The following DCAF8L2 variants were observed in gnomAD, a reference collection of about 807,000 sequenced individuals.
DCAF8L2 encodes the protein DDB1- and CUL4-associated factor 8-like protein 2.
For synonymous variants in DCAF8L2, 200 were observed against 190.9 expected (o/e 1.05, Z -0.39); for missense variants, 430 against 490.7 (o/e 0.88, Z 1.17).
chrX:27,669,639 A>G (rs1260571451), intron 2 of DCAF8L2, among the ~76,000 whole-genome samples: 1 of 105,966 alleles, frequency 9.4e-6, no homozygotes. Flanking sequence ...CCGCTCCATG[A>G]CAGACCCTGG....
At chrX:27,640,679 A>T (rs980509142) in intron 2 of DCAF8L2, among the ~76,000 whole-genome samples, 1 of 112,086 alleles carries the variant, frequency 8.9e-6, no homozygotes, top group African/African-American at 3.2e-5. Flanking sequence ...AATTGGTTCT[A>T]TCATTTCACA....
At chrX:27,616,472 A>G (rs1927481830) in intron 1 of DCAF8L2, among the ~76,000 whole-genome samples, 1 of 111,759 alleles carries the variant, frequency 8.9e-6, no homozygotes, top group African/African-American at 3.2e-5. Flanking sequence ...AGCAGATTTT[A>G]AAAAATTATT....
At chrX:27,728,237 G>A (rs1309064286) in intron 4 of DCAF8L2, among the ~76,000 whole-genome samples, 1 of 111,214 alleles carries the variant, frequency 9.0e-6, no homozygotes, top group Non-Finnish European at 1.9e-5. Flanking sequence ...AATGTTCCTG[G>A]GGCACATTTA....
At chrX:27,610,707 G>T (rs987449027) in intron 1 of DCAF8L2, among the ~76,000 whole-genome samples, 12 of 111,996 alleles carry the variant, frequency 1.1e-4, no homozygotes, top group African/African-American at 3.9e-4. Flanking sequence ...ATGCTAGAAA[G>T]TAAGGCTACT....
chrX:27,726,538 A>G, intron 4 of DCAF8L2, among the ~76,000 whole-genome samples: 1 of 111,242 alleles, frequency 9.0e-6, no homozygotes, highest in Non-Finnish European at 1.9e-5. Flanking sequence ...CACTCAGACT[A>G]AGAAATAATA....
At chrX:27,571,918 T>C in the DCAF8L2 span, among the ~76,000 whole-genome samples, 2 of 111,417 alleles carry the variant, frequency 1.8e-5, no homozygotes, top group African/African-American at 6.5e-5. Flanking sequence ...CTAAATAAGA[T>C]GGATTGGTCA....
chrX:27,657,025 A>G (rs1006267707), intron 2 of DCAF8L2, among the ~76,000 whole-genome samples: 3 of 110,554 alleles, frequency 2.7e-5, no homozygotes, highest in Non-Finnish European at 5.7e-5. Flanking sequence ...CATCTAATCA[A>G]CTACTTGCCT....
intron 4 of DCAF8L2, among the ~76,000 whole-genome samples, chrX:27,735,911 T>C (rs1480942554): frequency 9.0e-6 from 1 of 111,164 alleles, no homozygotes; most frequent in African/African-American, 3.3e-5. Flanking sequence ...TATTAAGACA[T>C]TAAAAATAAA....
At chrX:27,479,374 T>C in the DCAF8L2 span, among the ~76,000 whole-genome samples, 1 of 111,327 alleles carries the variant, frequency 9.0e-6, no homozygotes, top group Admixed American at 9.6e-5. Flanking sequence ...CAGATAGATA[T>C]AAGCTGCACC....
chrX:27,509,763 T>C, the DCAF8L2 span, among the ~76,000 whole-genome samples: 1 of 111,399 alleles, frequency 9.0e-6, no homozygotes, highest in Non-Finnish European at 1.9e-5. Flanking sequence ...CATGAAGACT[T>C]GGCTTTAATT....
intron 3 of DCAF8L2, among the ~76,000 whole-genome samples, chrX:27,687,944 G>T (rs966505010): frequency 1.8e-5 from 2 of 111,977 alleles, no homozygotes; most frequent in African/African-American, 3.2e-5. Context: ...AAAATATGAA[G>T]AAATTTAATT....
the DCAF8L2 span, among the ~76,000 whole-genome samples, chrX:27,565,104 CCTGA>C: frequency 9.1e-6 from 1 of 110,078 alleles, no homozygotes; most frequent in Admixed American, 9.7e-5. Context: ...TCTAGAGAGC[CCTGA>C]CTAATACACT....
chrX:27,742,681 T>C (rs1288069522), intron 4 of DCAF8L2, among the ~76,000 whole-genome samples: 2 of 111,903 alleles, frequency 1.8e-5, no homozygotes, highest in Non-Finnish European at 3.8e-5. Flanking sequence ...ATCAGAAGTA[T>C]ACTAAAAGTC....
At chrX:27,673,949 T>C (rs1297049597) in intron 2 of DCAF8L2, among the ~76,000 whole-genome samples, 1 of 111,257 alleles carries the variant, frequency 9.0e-6, no homozygotes, top group African/African-American at 3.3e-5. Flanking sequence ...TTATTTTTTA[T>C]TTTATGCGTA....
At chrX:27,551,289 C>A in the DCAF8L2 span, among the ~76,000 whole-genome samples, 2 of 110,532 alleles carry the variant, frequency 1.8e-5, no homozygotes, top group Non-Finnish European at 3.8e-5. Flanking sequence ...TCAGCAACCA[C>A]CACGCTGATC....
chrX:27,490,076 T>C, the DCAF8L2 span, among the ~76,000 whole-genome samples: 1 of 111,012 alleles, frequency 9.0e-6, no homozygotes, highest in African/African-American at 3.3e-5. Context: ...GGGGTCTCAC[T>C]ATGTTGCCCA....
chrX:27,724,429 C>A lies in DCAF8L2; in HGVS notation c.-59+8258C>A, dbSNP rs1932003021. ...CACCTCTTCGTGGGGGAACAGTATC[C>A]CTTGTTTACTTCATATATCATTGAA... On this transcript the variant is annotated intron_variant, in intron 4 of 4. Coordinates refer to ENST00000451261, the MANE Select transcript of DCAF8L2 (RefSeq NM_001353450.2). Among the ~76,000 whole-genome samples the A allele has an allele frequency of 4.5e-5, 5 of 110,037 alleles. No individual in the cohort carries two copies. In the South Asian group the frequency reaches 1.9e-3, roughly 41 times the overall value.
chrX:27,492,516 G>A, the DCAF8L2 span, among the ~76,000 whole-genome samples: 1 of 73,067 alleles, frequency 1.4e-5, no homozygotes, highest in African/African-American at 5.6e-5. Context: ...TTTTGCTCTT[G>A]TCACCCAGGC....
chrX:27,725,725 A>AATT (rs34291096), intron 4 of DCAF8L2, among the ~76,000 whole-genome samples: 31,513 of 108,809 alleles, frequency 0.29, 3,939 homozygotes, highest in Middle Eastern at 0.4. Flanking sequence ...TTGCAAATTA[A>AATT]ATTATAAATA....
Sources: gnomAD v4.1 joint callset for allele counts (sites outside exome capture counted in the v4.1 genomes callset) on GRCh38, gnomAD v4.1.1 for gene constraint, MANE v1.5 for transcripts, NCBI Gene and HGNC (gene_info 2026-07-23, HGNC 2026-07-21) for gene names.